The following CCDC7 variants were observed in gnomAD, a reference collection of about 807,000 sequenced individuals.
CCDC7 encodes the protein coiled-coil domain-containing protein 7.
A neutral mutation model predicts 196.9 loss-of-function variants in CCDC7; 183 were observed. That is an observed-to-expected ratio of 0.93 (90% CI 0.82 to 1.05). The LOEUF is 1.05. Ranked by LOEUF, CCDC7 falls within the 50% of genes least tolerant of loss-of-function variation. The probability of loss-of-function intolerance (pLI) is 0.00; values close to 1 mark genes in which losing one functional copy is unlikely to be tolerated. For missense variants in CCDC7, 1,540 were observed against 1,482.2 expected (o/e 1.04, Z -0.64); for synonymous variants, 525 against 484.6 (o/e 1.08, Z -1.10).
chr10:32,763,636 G>T (rs2077803114), intron 28 of CCDC7, among the ~76,000 whole-genome samples: 1 of 151,912 alleles, frequency 6.6e-6, no homozygotes, highest in African/African-American at 2.4e-5. Context: ...CAATGGAATA[G>T]TATTCTTCCT....
At chr10:32,762,773 T>G (rs777652240) in intron 28 of CCDC7, among the ~76,000 whole-genome samples, 1 of 151,862 alleles carries the variant, frequency 6.6e-6, no homozygotes, top group Non-Finnish European at 1.5e-5. Context: ...AATGACCATC[T>G]CTTTAACAAA....
Position 32,538,691 on chromosome 10 carries a change from G to A in CCDC7, c.994-4609G>A, listed in dbSNP as rs574762278. Among the ~76,000 whole-genome samples the A allele has an allele frequency of 5.3e-5, 8 of 152,284 alleles. No homozygotes were observed. In the South Asian group the frequency reaches 8.3e-4, roughly 16 times the overall value. On this transcript the variant is annotated intron_variant, in intron 11 of 41. Transcript: ENST00000639629. ...CTAGTTTATTGAAGGTTTTTAACATGAAGAGAGTTGAATTTTATTGAAAGT... is the reference window on the plus strand; with the variant it reads ...CTAGTTTATTGAAGGTTTTTAACATAAAGAGAGTTGAATTTTATTGAAAGT...
chr10:32,700,065 C>G (rs2078412626), intron 24 of CCDC7, among the ~76,000 whole-genome samples: 1 of 149,526 alleles, frequency 6.7e-6, no homozygotes, highest in East Asian at 1.9e-4. Flanking sequence ...TTAATTAGAT[C>G]CAATTTGTCA....
chr10:32,586,261 G>T (rs1452574012), intron 18 of CCDC7, among the ~76,000 whole-genome samples: 2 of 152,072 alleles, frequency 1.3e-5, no homozygotes, highest in Non-Finnish European at 2.9e-5. Flanking sequence ...TTTCTTGTAG[G>T]TTCTGGATAT....
rs142351635 is a variant in CCDC7 at position 32,735,349 on chromosome 10, G to C, written c.2905+5892G>C. On this transcript the variant is annotated intron_variant, in intron 28 of 41. Coordinates refer to ENST00000639629, the Ensembl canonical transcript of CCDC7. ...ATGAGTGAGAGTTCCCATGTTCCTT[G>C]CCAGTTTTTGTGTTTTTAATGCTTT... 2.2e-3 allele frequency among the ~76,000 whole-genome samples: 329 copies of C among 152,264 alleles called. 1 individual carries two copies. The highest frequency in any genetic ancestry group is 3.7e-3 in the Non-Finnish European group (254 of 68,014).
intron 25 of CCDC7, among the ~76,000 whole-genome samples, chr10:32,725,939 T>G (rs2083060175): frequency 6.6e-6 from 1 of 152,142 alleles, no homozygotes; most frequent in South Asian, 2.1e-4. Context: ...TTAACCTACT[T>G]CCAAAAGTAA....
chr10:32,832,428 G>A (rs187216106), intron 32 of CCDC7, among the ~76,000 whole-genome samples: 8 of 152,076 alleles, frequency 5.3e-5, no homozygotes, highest in East Asian at 3.9e-4. Flanking sequence ...GCTTGAACCC[G>A]GGAGGTGGAG....
chr10:32,564,822 A>G (rs1367525303), intron 13 of CCDC7, among the ~76,000 whole-genome samples: 1 of 151,924 alleles, frequency 6.6e-6, no homozygotes, highest in South Asian at 2.1e-4. Flanking sequence ...GAATCTACCT[A>G]CACTTGGCTG....
At chr10:32,450,590 G>A (rs560982886), upstream of CCDC7, among the ~76,000 whole-genome samples, 6 of 152,220 alleles carry the variant, frequency 3.9e-5, no homozygotes, top group African/African-American at 1.4e-4. Context: ...CACTATTTGG[G>A]AGGTGGCATT....
At chr10:32,578,014 C>A (rs1453596810) in intron 16 of CCDC7, among the ~76,000 whole-genome samples, 2 of 152,144 alleles carry the variant, frequency 1.3e-5, no homozygotes, top group Non-Finnish European at 1.5e-5. Flanking sequence ...CCAAAAGCTT[C>A]CGTCAGAAAA....
intron 20 of CCDC7, among the ~76,000 whole-genome samples, chr10:32,643,458 ACTGT>A (rs2067200378): frequency 6.6e-6 from 1 of 151,810 alleles, no homozygotes; most frequent in Non-Finnish European, 1.5e-5. Flanking sequence ...ATCCAGTGTG[ACTGT>A]CTTTTTTTAT....
chr10:32,608,461 G>A (rs563363320), intron 18 of CCDC7, among the ~76,000 whole-genome samples: 4 of 151,896 alleles, frequency 2.6e-5, no homozygotes, highest in African/African-American at 9.7e-5. Flanking sequence ...TCTTAGTACT[G>A]CTTTTGTTAC....
chr10:32,702,946 T>G (rs1377691312), intron 24 of CCDC7, among the ~76,000 whole-genome samples: 1 of 152,208 alleles, frequency 6.6e-6, no homozygotes, highest in African/African-American at 2.4e-5. Context: ...TACAGCACAC[T>G]GATGGGTCTT....
chr10:32,465,355 A>G (rs1264089429), intron 5 of CCDC7, among the ~76,000 whole-genome samples: 1 of 152,038 alleles, frequency 6.6e-6, no homozygotes, highest in African/African-American at 2.4e-5. Context: ...TTCTCAATCT[A>G]TCCAGACTGA....
chr10:32,734,434 A>G (rs1426811107), intron 28 of CCDC7, among the ~76,000 whole-genome samples: 1 of 152,134 alleles, frequency 6.6e-6, no homozygotes, highest in Non-Finnish European at 1.5e-5. Context: ...ACTGGGGTCT[A>G]CTTGAGGGTG....
chr10:32,611,807 GT>G (rs1393959072), intron 18 of CCDC7, among the ~76,000 whole-genome samples: 1 of 152,180 alleles, frequency 6.6e-6, no homozygotes, highest in Non-Finnish European at 1.5e-5. Context: ...GTACCATGCT[GT>G]TTTGGCTACT....
chr10:32,565,538 T>C lies in CCDC7; in HGVS notation c.1135-20T>C. The C allele has an allele frequency of 6.2e-7, 1 of 1,604,358 alleles. No homozygotes were observed. Among genetic ancestry groups the C allele is most frequent in the Non-Finnish European group, 8.5e-7 (1 of 1,176,062 alleles). On this transcript the variant is annotated intron_variant, in intron 13 of 41. Coordinates refer to ENST00000639629, the Ensembl canonical transcript of CCDC7. ...AAAATACCAAAGTAAATACCTTTTT[T>C]CCCCCTTCTTACTTCCTAGAAAGTA...
chr10:32,500,840 C>T (rs538709817), intron 9 of CCDC7, among the ~76,000 whole-genome samples: 348 of 152,338 alleles, frequency 2.3e-3, no homozygotes, highest in Non-Finnish European at 3.9e-3. Context: ...CGGTCAGGAG[C>T]TGGAGACCAG....
In CCDC7 at chr10:32,871,837, T is replaced by C. The variant is rs564875089; in HGVS notation, c.4112-4510T>C. 9.2e-5 allele frequency among the ~76,000 whole-genome samples: 14 copies of C among 152,282 alleles called. No individual in the cohort carries two copies. In the South Asian group the frequency reaches 2.9e-3, roughly 32 times the overall value. On this transcript the variant is annotated intron_variant, in intron 41 of 41. Transcript: ENST00000639629. ...ATTGGTTTCAAAGAACATCTTTATT[T>C]CTGCCTTCATTTCATTATGTACCCA...
Sources: allele counts gnomAD v4.1 joint callset (sites outside exome capture counted in the v4.1 genomes callset), GRCh38; gene constraint gnomAD v4.1.1; transcripts MANE v1.5; gene names NCBI Gene and HGNC (gene_info 2026-07-23, HGNC 2026-07-21).